Variants in RNASE6 observed in about 807,000 individuals in gnomAD.
The protein encoded by RNASE6 is ribonuclease K6.
For synonymous variants in RNASE6, 64 were observed against 63.6 expected, an observed-to-expected ratio of 1.01 and a Z score of -0.03; for missense variants, 197 against 181.9, an observed-to-expected ratio of 1.08 and a Z score of -0.48.
chr14:20,781,250 G>T (rs1878634447), upstream of RNASE6: 1 of 160,786 alleles, frequency 6.2e-6, no homozygotes, highest in South Asian at 1.7e-4. Context: ...AGGGCTCGAA[G>T]GGTTAGAGAA....
chr14:20,781,577 A>C, intron 1 of RNASE6, 118 bp from the exon 2 acceptor site: 1 of 739,470 alleles, frequency 1.4e-6, no homozygotes, highest in Non-Finnish European at 2.1e-6. Context: ...GTGAGAAAGA[A>C]GATTTTAAAG....
At position 20,782,321 on chromosome 14, in the gene RNASE6, T is replaced by G. The variant is rs1878686014; in HGVS notation, c.*169T>G. 2 of 643,616 alleles carry G rather than the reference T, an allele frequency of 3.1e-6. No individual in the cohort carries two copies. The highest frequency in any genetic ancestry group is 4.3e-5 in the South Asian group (2 of 46,874). The allele number at this position is 643,616 out of a possible 1,614,324, so 39.9% of individuals were successfully genotyped here. Reference sequence around the variant, plus strand: ...GAGTTGAGACAAAAAGAAATAAGATTATTTTCTGCTTTGTAGTTCTGTACT... The same window carrying G: ...GAGTTGAGACAAAAAGAAATAAGATGATTTTCTGCTTTGTAGTTCTGTACT... On this transcript the variant is annotated 3_prime_UTR_variant, in exon 2 of 2. Transcript: ENST00000304677.
chr14:20,782,354 A>G lies in RNASE6; in HGVS notation c.*202A>G, dbSNP rs1878688088. 2.6e-5 allele frequency: 15 copies of G among 586,938 alleles called. No individual in the cohort carries two copies. The East Asian group carries it at 4.1e-4, about 16-fold the overall frequency. The allele number at this position is 586,938 out of a possible 1,614,324, so 36.4% of individuals were successfully genotyped here. A position where few individuals can be genotyped will look rare whatever the true frequency, so the allele number is the denominator to read the frequency against. On this transcript the variant is annotated 3_prime_UTR_variant, in exon 2 of 2. Coordinates refer to ENST00000304677, the MANE Select transcript of RNASE6 (RefSeq NM_005615.5). Reference sequence around the variant, plus strand: ...GCTTTGTAGTTCTGTACTTTTCGAGAGAAGGGAATAGGGAAGACAGCAAAG... The same window carrying G: ...GCTTTGTAGTTCTGTACTTTTCGAGGGAAGGGAATAGGGAAGACAGCAAAG...
In RNASE6 at chr14:20,782,026, A is replaced by G. The variant is rs759530215; in HGVS notation, c.327A>G (p.Gly109=). Residue 109 remains glycine, a synonymous_variant, in exon 2 of 2, where the codon GGA becomes GGG. Transcript: ENST00000304677. ...TGACTGACTGCAGACTCACTTCAGG[A>G]AAGTATCCCCAGTGCCGCTATAGTG... ...VNMTDCRLTS[G]KYPQCRYSAA... 4 of 1,614,230 alleles carry G rather than the reference A, an allele frequency of 2.5e-6. No individual in the cohort carries two copies. Among genetic ancestry groups the G allele is most frequent in the East Asian group, 2.2e-5 (1 of 44,896 alleles).
In RNASE6 at chr14:20,782,176, T is replaced by A; in HGVS notation, c.*24T>A. 1 of 1,513,590 alleles carries A rather than the reference T, an allele frequency of 6.6e-7. No homozygotes were observed. The highest frequency in any genetic ancestry group is 1.3e-5 in the South Asian group (1 of 77,544). 93.8% of individuals were successfully genotyped at this position (1,513,590 alleles called of 1,614,324 possible). On this transcript the variant is annotated 3_prime_UTR_variant, in exon 2 of 2. Coordinates refer to ENST00000304677, the MANE Select transcript of RNASE6 (RefSeq NM_005615.5). The stretch of plus-strand genomic sequence containing the variant: ...AAGGCATCCACTGCATTTCCTTTCA[T>A]TTGACATAGCTTCTGTTACAATTGC...
At position 20,781,870 on chromosome 14, in the gene RNASE6, C is replaced by T. The variant is rs755173370; in HGVS notation, c.171C>T (p.Thr57=). Reference sequence around the variant, plus strand: ...CAATGAGTGGCATCAACAATTATACCCAGCACTGTAAGCATCAAAATACCT... The same window carrying T: ...CAATGAGTGGCATCAACAATTATACTCAGCACTGTAAGCATCAAAATACCT... The part of the protein sequence containing the change: ...NRAMSGINNY[T]QHCKHQNTFL... Residue 57 remains threonine (T), a synonymous_variant, in exon 2 of 2, where the codon ACC becomes ACT. Coordinates refer to ENST00000304677, the MANE Select transcript of RNASE6 (RefSeq NM_005615.5). 8.7e-6 allele frequency: 14 copies of T among 1,614,070 alleles called. No homozygotes were observed. The highest frequency in any genetic ancestry group is 1.1e-5 in the Non-Finnish European group (13 of 1,180,050).
chr14:20,782,177 T>C lies in RNASE6; in HGVS notation c.*25T>C. On this transcript the variant is annotated 3_prime_UTR_variant, in exon 2 of 2. Coordinates refer to ENST00000304677, the MANE Select transcript of RNASE6 (RefSeq NM_005615.5). ...AGGCATCCACTGCATTTCCTTTCAT[T>C]TGACATAGCTTCTGTTACAATTGCA... The C allele has an allele frequency of 1.3e-6, 2 of 1,507,032 alleles. No homozygotes were observed. Among genetic ancestry groups the C allele is most frequent in the South Asian group, 2.6e-5 (2 of 76,862 alleles). The allele number at this position is 1,507,032 out of a possible 1,614,324, so 93.4% of individuals were successfully genotyped here.
rs749766538 is a variant in RNASE6 at position 20,781,888 on chromosome 14, A to G, written c.189A>G (p.Gln63=). 3.7e-6 allele frequency: 6 copies of G among 1,614,202 alleles called. No individual in the cohort carries two copies. The highest frequency in any genetic ancestry group is 4.2e-6 in the Non-Finnish European group (5 of 1,180,036). ...INNYTQHCKH[Q]NTFLHDSFQN... ...ATTATACCCAGCACTGTAAGCATCA[A>G]AATACCTTTCTGCATGACTCTTTCC... The change falls in exon 2 of 2, where the codon CAA becomes CAG. Residue 63 remains glutamine, a synonymous_variant. Coordinates refer to ENST00000304677, the MANE Select transcript of RNASE6 (RefSeq NM_005615.5).
rs751794187 is a variant in RNASE6 at position 20,781,732 on chromosome 14, G to T, written c.33G>T (p.Leu11=). The part of the protein sequence containing the change: MVLCFPLLLL[L]LVLWGPVCPL... Reference sequence around the variant, plus strand: ...TATGCTTTCCTCTTCTTTTACTGCTGCTGGTTCTATGGGGACCAGTGTGTC... The same window carrying T: ...TATGCTTTCCTCTTCTTTTACTGCTTCTGGTTCTATGGGGACCAGTGTGTC... Residue 11 remains leucine (L), a synonymous_variant, in exon 2 of 2, where the codon CTG becomes CTT. Transcript: ENST00000304677. 1.9e-6 allele frequency: 3 copies of T among 1,612,612 alleles called. No homozygotes were observed. The highest frequency in any genetic ancestry group is 2.2e-5 in the East Asian group (1 of 44,868).
rs201501463 is a variant in RNASE6 at position 20,782,154 on chromosome 14, G to C, written c.*2G>C. On this transcript the variant is annotated 3_prime_UTR_variant, in exon 2 of 2. Coordinates refer to ENST00000304677, the MANE Select transcript of RNASE6 (RefSeq NM_005615.5). Reference sequence around the variant, plus strand: ...GTACACTTAGATAGTATTCTCTAAGGCATCCACTGCATTTCCTTTCATTTG... The same window carrying C: ...GTACACTTAGATAGTATTCTCTAAGCCATCCACTGCATTTCCTTTCATTTG... The C allele has an allele frequency of 1.3e-6, 2 of 1,549,902 alleles. No homozygotes were observed. Among genetic ancestry groups the C allele is most frequent in the African/African-American group, 2.7e-5 (2 of 72,966 alleles).
intron 1 of RNASE6, 120 bp from the exon 2 acceptor site, chr14:20,781,572 AAAG>A (rs1433148249): frequency 1.7e-5 from 12 of 711,206 alleles, no homozygotes; most frequent in Non-Finnish European, 2.7e-5. Flanking sequence ...ACTATGTGAG[AAAG>A]AAGATTTTAA....
Position 20,781,972 on chromosome 14 carries a change from C to T in RNASE6, c.273C>T (p.Asn91=), listed in dbSNP as rs1247252180. The T allele has an allele frequency of 1.2e-6, 2 of 1,614,096 alleles. No individual in the cohort carries two copies. Among genetic ancestry groups the T allele is most frequent in the African/African-American group, 2.7e-5 (2 of 74,938 alleles). ...LSIVCKNRRH[N]CHQSSKPVNM... ...TTGTCTGCAAAAATCGTCGGCACAA[C>T]TGCCACCAGAGCTCAAAGCCTGTCA... is the stretch of plus-strand genomic sequence containing the variant. Residue 91 remains asparagine, a synonymous_variant, in exon 2 of 2, where the codon AAC becomes AAT. Transcript: ENST00000304677.
intron 1 of RNASE6, 103 bp from the exon 2 acceptor site, chr14:20,781,592 C>T (rs1250705280): frequency 6.0e-6 from 5 of 828,504 alleles, no homozygotes; most frequent in South Asian, 1.9e-5. Flanking sequence ...TTAAAGGGAG[C>T]TGTAAAATCT....
Position 20,781,791 on chromosome 14 carries a change from C to G in RNASE6, c.92C>G (p.Ala31Gly), listed in dbSNP as rs200834282. The G allele has an allele frequency of 6.8e-5, 110 of 1,614,054 alleles. No homozygotes were observed. The highest frequency in any genetic ancestry group is 1.0e-4 in the Admixed American group (6 of 60,006). ...LHAWPKRLTK[A>G]HWFEIQHIQP... The stretch of plus-strand genomic sequence containing the variant: ...GCTTGGCCTAAGCGTCTCACCAAGG[C>G]TCACTGGTTTGAAATTCAGCATATA... Residue 31 changes from alanine to glycine, a missense_variant, in exon 2 of 2, where the codon GCT becomes GGT. Ala to Gly is a moderately conservative substitution (Grantham distance 60, BLOSUM62 0). Coordinates refer to ENST00000304677, the MANE Select transcript of RNASE6 (RefSeq NM_005615.5).
At chr14:20,781,610 C>T (rs1218560872) in intron 1 of RNASE6, 85 bp from the exon 2 acceptor site, 3 of 1,077,908 alleles carry the variant, frequency 2.8e-6, no homozygotes, top group Non-Finnish European at 3.9e-6. Flanking sequence ...TCTTAAAAGG[C>T]AAAATAAAAA....
rs536404517 is a variant in RNASE6, at chr14:20,782,092, C to T, written c.393C>T (p.Pro131=). Residue 131 remains proline (P), a synonymous_variant, in exon 2 of 2, where the codon CCC becomes CCT. Coordinates refer to ENST00000304677, the MANE Select transcript of RNASE6 (RefSeq NM_005615.5). ...AATTCTTCATTGTTGCCTGTGACCCCCCTCAGAAGAGCGATCCCCCCTACA... is the reference window on the plus strand; with the variant it reads ...AATTCTTCATTGTTGCCTGTGACCCTCCTCAGAAGAGCGATCCCCCCTACA... The part of the protein sequence containing the change: ...QYKFFIVACD[P]PQKSDPPYKL... The T allele has an allele frequency of 3.7e-6, 6 of 1,613,868 alleles. No homozygotes were observed. The highest frequency in any genetic ancestry group is 4.5e-5 in the East Asian group (2 of 44,878).
At position 20,781,749 on chromosome 14, in the gene RNASE6, C is replaced by A; in HGVS notation, c.50C>A (p.Pro17Gln). The change falls in exon 2 of 2, where the codon CCA becomes CAA. Residue 17 changes from proline (P) to glutamine (Q), a missense_variant. Pro to Gln is a moderately conservative substitution (Grantham distance 76). Transcript: ENST00000304677. ...TTACTGCTGCTGGTTCTATGGGGAC[C>A]AGTGTGTCCACTTCATGCTTGGCCT... ...LLLLLLVLWG[P>Q]VCPLHAWPKR... The A allele has an allele frequency of 6.2e-7, 1 of 1,614,004 alleles. No individual in the cohort carries two copies. The highest frequency in any genetic ancestry group is 8.5e-7 in the Non-Finnish European group (1 of 1,179,936).
intron 1 of RNASE6, 113 bp downstream of exon 1, chr14:20,781,451 T>A (rs1594258517): frequency 4.3e-6 from 2 of 464,964 alleles, no homozygotes. Context: ...AACTTTCTGA[T>A]ATGACAGCCA....
chr14:20,781,456 C>T, intron 1 of RNASE6, 118 bp downstream of exon 1: 3 of 472,222 alleles, frequency 6.4e-6, no homozygotes, highest in South Asian at 3.2e-5. Flanking sequence ...TCTGATATGA[C>T]AGCCATCAAA....
Sources: allele counts gnomAD v4.1 joint callset, GRCh38; gene constraint gnomAD v4.1.1; transcripts MANE v1.5; gene names NCBI Gene and HGNC (gene_info 2026-07-23, HGNC 2026-07-21).